The following SLC24A2 variants were observed in gnomAD, a reference collection of about 807,000 sequenced individuals.
The protein encoded by SLC24A2 is sodium/potassium/calcium exchanger 2.
In SLC24A2, 36 loss-of-function variants were observed where a neutral mutation model predicts 62.0. The ratio of observed to expected loss-of-function variants is 0.58; its 90% CI spans 0.44 to 0.77. The LOEUF (loss-of-function observed/expected upper bound fraction) is 0.77. Ranked by LOEUF, SLC24A2 falls within the 30% of genes least tolerant of loss-of-function variation. The pLI is 0.00. For synonymous variants in SLC24A2, 358 were observed against 294.0 expected, an observed-to-expected ratio of 1.22 and a Z score of -2.23; for missense variants, 846 against 817.9, an observed-to-expected ratio of 1.03 and a Z score of -0.42.
intron 2 of SLC24A2, among the ~76,000 whole-genome samples, chr9:19,649,017 AAAC>A (rs1480477416): frequency 8.6e-5 from 13 of 151,488 alleles, no homozygotes; most frequent in Non-Finnish European, 1.3e-4. Context: ...AAAAAAAAAA[AAAC>A]AAAAAACCCA....
the SLC24A2 span, among the ~76,000 whole-genome samples, chr9:19,997,769 A>G: frequency 8.7e-4 from 133 of 152,316 alleles, no homozygotes; most frequent in Admixed American, 2.5e-3. Flanking sequence ...ACATGGTTGG[A>G]CTCAGGCAAC....
chr9:19,602,497 G>T (rs1836868149), intron 4 of SLC24A2, among the ~76,000 whole-genome samples: 2 of 152,182 alleles, frequency 1.3e-5, no homozygotes, highest in African/African-American at 4.8e-5. Flanking sequence ...ATATTCTTTT[G>T]TATAATCTAA....
the SLC24A2 span, among the ~76,000 whole-genome samples, chr9:19,962,257 G>C: frequency 6.6e-6 from 1 of 152,144 alleles, no homozygotes; most frequent in Non-Finnish European, 1.5e-5. Flanking sequence ...TGCTGTTTTG[G>C]TTACTGTAGC....
At position 19,513,171 on chromosome 9, in the gene SLC24A2, T is replaced by TACATATATATATATAC. The variant is rs1832788339; in HGVS notation, c.*2981_*2982insGTATATATATATATGT. The TACATATATATATATAC allele has an allele frequency of 1.7e-5, 1 of 59,922 alleles. No individual in the cohort carries two copies. Among genetic ancestry groups the TACATATATATATATAC allele is most frequent in the African/African-American group, 6.5e-5 (1 of 15,488 alleles). The allele number at this position is 59,922 out of a possible 1,614,324, so 3.7% of individuals were successfully genotyped here. A position where few individuals can be genotyped will look rare whatever the true frequency, so the allele number is the denominator to read the frequency against. On this transcript the variant is annotated 3_prime_UTR_variant, in exon 11 of 11. Coordinates refer to ENST00000341998, the MANE Select transcript of SLC24A2 (RefSeq NM_020344.4). ...GTATAAAGATATATATATATATATA[T>TACATATATATATATAC]ATATGTATATATATATATATGTATA...
chr9:19,949,337 G>C, the SLC24A2 span, among the ~76,000 whole-genome samples: 1 of 152,154 alleles, frequency 6.6e-6, no homozygotes, highest in African/African-American at 2.4e-5. Context: ...TCAAATTAAG[G>C]GGATGACAGT....
chr9:19,914,820 G>A, the SLC24A2 span, among the ~76,000 whole-genome samples: 1 of 152,148 alleles, frequency 6.6e-6, no homozygotes, highest in East Asian at 1.9e-4. Flanking sequence ...GTGTCATGTG[G>A]ACAGGATGGG....
chr9:19,608,073 T>G (rs1003477220), intron 4 of SLC24A2, among the ~76,000 whole-genome samples: 3 of 152,236 alleles, frequency 2.0e-5, no homozygotes, highest in Non-Finnish European at 1.5e-5. Context: ...GTCATATTAG[T>G]AGACCACGGC....
the SLC24A2 span, among the ~76,000 whole-genome samples, chr9:20,078,370 G>A: frequency 7.0e-6 from 1 of 143,838 alleles, no homozygotes; most frequent in Non-Finnish European, 1.5e-5. Context: ...TAGAATGGCA[G>A]CATCAGCTGA....
chr9:19,727,371 T>A (rs1041423364), intron 2 of SLC24A2, among the ~76,000 whole-genome samples: 1 of 152,204 alleles, frequency 6.6e-6, no homozygotes, highest in African/African-American at 2.4e-5. Flanking sequence ...AAGCCGGTGA[T>A]CATTTTGCAT....
intron 2 of SLC24A2, among the ~76,000 whole-genome samples, chr9:19,699,669 C>T (rs893750695): frequency 1.3e-5 from 2 of 152,064 alleles, no homozygotes; most frequent in East Asian, 3.8e-4. Context: ...ATCATAAACA[C>T]TGGAAAGAAA....
At chr9:20,028,903 A>G in the SLC24A2 span, among the ~76,000 whole-genome samples, 1 of 152,204 alleles carries the variant, frequency 6.6e-6, no homozygotes, top group Non-Finnish European at 1.5e-5. Context: ...AAAATAAAAT[A>G]CACCGTGTTT....
chr9:19,709,142 AC>A (rs1226863549), intron 2 of SLC24A2, among the ~76,000 whole-genome samples: 1 of 152,192 alleles, frequency 6.6e-6, no homozygotes, highest in African/African-American at 2.4e-5. Flanking sequence ...CAGCCAAAAA[AC>A]ACATGAAAAA....
At chr9:19,562,417 C>G (rs939581073) in intron 7 of SLC24A2, among the ~76,000 whole-genome samples, 1 of 152,032 alleles carries the variant, frequency 6.6e-6, no homozygotes, top group Non-Finnish European at 1.5e-5. Context: ...TTCAGAAAGC[C>G]CAATGACAAG....
At position 19,788,958 on chromosome 9, in the gene SLC24A2, C is replaced by A. The variant is rs1450216683; in HGVS notation, c.-227G>T. 3.0e-6 allele frequency: 3 copies of A among 985,068 alleles called. No individual in the cohort carries two copies. In the East Asian group the frequency reaches 3.4e-4, roughly 112 times the overall value. The allele number at this position is 985,068 out of a possible 1,614,324, so 61.0% of individuals were successfully genotyped here. The stretch of plus-strand genomic sequence containing the variant: ...CCGCCGCTCCAGTCCGCCGGCCCTC[C>A]GCCTACCCGCTCTGAGGCCCGGGCT... On this transcript the variant is annotated 5_prime_UTR_variant, in exon 1 of 11. Transcript: ENST00000341998.
At chr9:19,739,785 C>A (rs1355316983) in intron 2 of SLC24A2, among the ~76,000 whole-genome samples, 1 of 152,036 alleles carries the variant, frequency 6.6e-6, no homozygotes, top group Non-Finnish European at 1.5e-5. Flanking sequence ...ACTAAATAAG[C>A]ATTAACTATA....
chr9:20,126,139 G>A, the SLC24A2 span, among the ~76,000 whole-genome samples: 2 of 152,176 alleles, frequency 1.3e-5, no homozygotes, highest in African/African-American at 4.8e-5. Flanking sequence ...GATCGGTGGA[G>A]TTTTCTATTC....
intron 10 of SLC24A2, among the ~76,000 whole-genome samples, chr9:19,518,841 T>C (rs1010477802): frequency 1.3e-5 from 2 of 152,362 alleles, no homozygotes. Flanking sequence ...ACTCAGTATA[T>C]TGTCAAAAAT....
At chr9:19,800,293 T>A in the SLC24A2 span, among the ~76,000 whole-genome samples, 7 of 152,284 alleles carry the variant, frequency 4.6e-5, no homozygotes, top group South Asian at 1.5e-3. Flanking sequence ...GCCTTGCCAA[T>A]CCATGATGAG....
At chr9:19,814,995 A>G in the SLC24A2 span, among the ~76,000 whole-genome samples, 1 of 152,156 alleles carries the variant, frequency 6.6e-6, no homozygotes, top group Admixed American at 6.6e-5. Flanking sequence ...GAGAATTCTA[A>G]AAGACTATCC....
Sources: gnomAD v4.1 joint callset for allele counts (sites outside exome capture counted in the v4.1 genomes callset) on GRCh38, gnomAD v4.1.1 for gene constraint, MANE v1.5 for transcripts, NCBI Gene and HGNC (gene_info 2026-07-23, HGNC 2026-07-21) for gene names.